CDH1: variants seen among roughly 807,000 people sequenced by gnomAD.
CDH1 encodes the protein cadherin-1.
In CDH1, 35 loss-of-function variants were observed where a neutral mutation model predicts 84.5. The observed-to-expected ratio is 0.41, with a 90% CI of 0.32 to 0.55. CDH1 has a LOEUF of 0.55. Among genes scored for constraint, CDH1 ranks in the 20% least tolerant of loss-of-function variants. CDH1 has a pLI of 0.19. For synonymous variants in CDH1, 417 were observed against 439.0 expected (o/e 0.95, Z 0.63); for missense variants, 994 against 1,126.6 (o/e 0.88, Z 1.68).
chr16:68,789,518 CTT>C (rs549644747), intron 2 of CDH1, among the ~76,000 whole-genome samples: 21 of 142,608 alleles, frequency 1.5e-4, no homozygotes, highest in Non-Finnish European at 1.7e-4. Context: ...ATTGGCTCAT[CTT>C]TTTTTTTTTT....
chr16:68,755,281 T>TAAAAAAAA (rs1217632765), intron 2 of CDH1, among the ~76,000 whole-genome samples: 4 of 22,952 alleles, frequency 1.7e-4, no homozygotes, highest in Admixed American at 4.5e-4. Context: ...AGACTCTGTC[T>TAAAAAAAA]CAAAAAAAAA....
intron 3 of CDH1, among the ~76,000 whole-genome samples, chr16:68,802,325 C>G (rs185134757): frequency 3.3e-5 from 5 of 152,260 alleles, no homozygotes; most frequent in Admixed American, 2.6e-4. Flanking sequence ...CTTGAGCTTC[C>G]TTATCTGTAA....
chr16:68,752,453 T>C (rs1161466114), intron 2 of CDH1, among the ~76,000 whole-genome samples: 1 of 152,236 alleles, frequency 6.6e-6, no homozygotes, highest in Non-Finnish European at 1.5e-5. Flanking sequence ...TTGGGCTGAA[T>C]TGCAGTTAGA....
intron 2 of CDH1, among the ~76,000 whole-genome samples, chr16:68,794,296 C>T (rs1407030440): frequency 6.6e-6 from 1 of 152,074 alleles, no homozygotes; most frequent in African/African-American, 2.4e-5. Flanking sequence ...TTGCCTCTGC[C>T]TCCCGAAGTG....
intron 2 of CDH1, among the ~76,000 whole-genome samples, chr16:68,797,004 A>G (rs1341709650): frequency 6.6e-6 from 1 of 152,120 alleles, no homozygotes; most frequent in Admixed American, 6.6e-5. Flanking sequence ...TTTTTTGCTG[A>G]AATACAAAAA....
At chr16:68,780,817 G>T (rs1959855146) in intron 2 of CDH1, among the ~76,000 whole-genome samples, 1 of 152,132 alleles carries the variant, frequency 6.6e-6, no homozygotes, top group Admixed American at 6.5e-5. Context: ...GAGGGTAGTT[G>T]GTGACAAAGT....
chr16:68,787,364 A>C (rs973329929), intron 2 of CDH1, among the ~76,000 whole-genome samples: 3 of 152,200 alleles, frequency 2.0e-5, no homozygotes, highest in African/African-American at 7.2e-5. Context: ...TCAGTTGCTC[A>C]TCAGCATTAA....
At chr16:68,762,888 C>T (rs939301557) in intron 2 of CDH1, among the ~76,000 whole-genome samples, 8 of 122,534 alleles carry the variant, frequency 6.5e-5, no homozygotes, top group Admixed American at 1.1e-4. Flanking sequence ...ACTCCAGCCT[C>T]GGCAACAGAG....
intron 3 of CDH1, among the ~76,000 whole-genome samples, chr16:68,807,148 T>C (rs1253927380): frequency 4.6e-5 from 7 of 152,224 alleles, no homozygotes. Context: ...TCCCTGCATG[T>C]GCATAAAGTT....
chr16:68,771,024 G>A (rs1160951960), intron 2 of CDH1: 1 of 151,722 alleles, frequency 6.6e-6, no homozygotes, highest in East Asian at 2.0e-4. Context: ...CAGTGGAGGA[G>A]GCTCTCCCGT....
At chr16:68,789,115 C>A (rs1187616352) in intron 2 of CDH1, among the ~76,000 whole-genome samples, 1 of 152,140 alleles carries the variant, frequency 6.6e-6, no homozygotes, top group African/African-American at 2.4e-5. Context: ...CCTTGACGTC[C>A]CCAGCTCAAG....
chr16:68,823,307 G>T, intron 12 of CDH1, 92 bp from the exon 13 acceptor site: 2 of 865,408 alleles, frequency 2.3e-6, no homozygotes, highest in South Asian at 2.7e-5. Context: ...CTCGGCTTGC[G>T]GGTGTCTTTA....
rs1330734468 is a variant in CDH1 at position 68,767,580 on chromosome 16, AAAC to A, written c.163+29174_163+29176del. Among the ~76,000 whole-genome samples the A allele has an allele frequency of 6.6e-5, 10 of 152,310 alleles. 1 individual carries two copies. In the Middle Eastern group the frequency reaches 0.01, roughly 155 times the overall value. The stretch of plus-strand genomic sequence containing the variant: ...TTTCTCATAGTAACAAGACTTCCCA[AAAC>A]AACATTTCTTTTTCAAGACTTCATT... On this transcript the variant is annotated intron_variant, in intron 2 of 15. Coordinates refer to ENST00000261769, the MANE Select transcript of CDH1 (RefSeq NM_004360.5).
At chr16:68,750,130 AT>A (rs1011964097) in intron 2 of CDH1, among the ~76,000 whole-genome samples, 10 of 70,892 alleles carry the variant, frequency 1.4e-4, no homozygotes, top group Admixed American at 1.2e-3. Flanking sequence ...ACTAATTTTG[AT>A]TGTGATGCTA....
chr16:68,741,138 C>T (rs1295435952), intron 2 of CDH1, among the ~76,000 whole-genome samples: 2 of 151,840 alleles, frequency 1.3e-5, no homozygotes, highest in Non-Finnish European at 2.9e-5. Flanking sequence ...ACACAGAATC[C>T]GCAGGCCTCT....
chr16:68,798,955 A>G (rs1026882240), intron 2 of CDH1, among the ~76,000 whole-genome samples: 2 of 152,206 alleles, frequency 1.3e-5, no homozygotes, highest in African/African-American at 4.8e-5. Context: ...ACCCAAATAC[A>G]CAGGAATAAT....
At chr16:68,832,175 A>G (rs1490974950) in intron 15 of CDH1, among the ~76,000 whole-genome samples, 1 of 152,116 alleles carries the variant, frequency 6.6e-6, no homozygotes, top group Non-Finnish European at 1.5e-5. Flanking sequence ...ACTACTGGGT[A>G]CTGGGCTAAA....
At chr16:68,775,670 C>T (rs967704103) in intron 2 of CDH1, among the ~76,000 whole-genome samples, 4 of 152,204 alleles carry the variant, frequency 2.6e-5, no homozygotes, top group African/African-American at 9.6e-5. Context: ...AAAGACATTT[C>T]CTTCCCCTAT....
chr16:68,799,614 G>A (rs1044260095), intron 2 of CDH1, among the ~76,000 whole-genome samples: 14 of 152,234 alleles, frequency 9.2e-5, no homozygotes, highest in African/African-American at 2.9e-4. Context: ...TGGAATTCAG[G>A]TTGGGGCTCC....
Sources: allele counts gnomAD v4.1 joint callset (sites outside exome capture counted in the v4.1 genomes callset), GRCh38; gene constraint gnomAD v4.1.1; transcripts MANE v1.5; gene names NCBI Gene and HGNC (gene_info 2026-07-23, HGNC 2026-07-21).